Variants in N4BP2 observed in about 807,000 individuals in gnomAD.
N4BP2 encodes NEDD4 binding protein 2, also known as NEDD4-binding protein 2.
A neutral mutation model predicts 152.8 loss-of-function variants in N4BP2; 91 were observed. The ratio of observed to expected loss-of-function variants is 0.60; its 90% CI spans 0.50 to 0.71. The LOEUF (loss-of-function observed/expected upper bound fraction) is 0.71. Ranked by LOEUF, N4BP2 falls within the 30% of genes least tolerant of loss-of-function variation. The pLI is 0.00. For missense variants in N4BP2, 1,923 were observed against 2,059.1 expected (o/e 0.93, Z 1.28); for synonymous variants, 646 against 705.3 (o/e 0.92, Z 1.33).
At chr4:40,062,718 G>C (rs560855938) in intron 1 of N4BP2, among the ~76,000 whole-genome samples, 16 of 152,158 alleles carry the variant, frequency 1.1e-4, no homozygotes, top group African/African-American at 3.9e-4. Flanking sequence ...ATCTGCACTT[G>C]AGTTCAGAAG....
chr4:40,133,429 G>A (rs899720504), intron 13 of N4BP2, among the ~76,000 whole-genome samples: 1 of 151,424 alleles, frequency 6.6e-6, no homozygotes, highest in Admixed American at 6.6e-5. Context: ...TCCGCCTCCC[G>A]GGTTCAAGTG....
At chr4:40,189,248 G>A in the N4BP2 span, among the ~76,000 whole-genome samples, 1 of 152,152 alleles carries the variant, frequency 6.6e-6, no homozygotes, top group African/African-American at 2.4e-5. This position sits in a 1 kb window ranked among gnomAD's most constrained non-coding sequence, Gnocchi z 4.3. Context: ...GTGGTGCTGC[G>A]TCTTGAAAAA....
chr4:40,155,669 C>T lies in N4BP2; in HGVS notation c.*1432C>T, dbSNP rs1439685859. The T allele has an allele frequency of 2.0e-5, 3 of 151,950 alleles. No individual in the cohort carries two copies. Among genetic ancestry groups the T allele is most frequent in the African/African-American group, 7.3e-5 (3 of 41,356 alleles). The allele number at this position is 151,950 out of a possible 1,614,324, so 9.4% of individuals were successfully genotyped here. A position where few individuals can be genotyped will look rare whatever the true frequency, so the allele number is the denominator to read the frequency against. On this transcript the variant is annotated 3_prime_UTR_variant, in exon 18 of 18. Coordinates refer to ENST00000261435, the MANE Select transcript of N4BP2 (RefSeq NM_018177.6). Reference sequence around the variant, plus strand: ...GGAGATGGAGAATATTTTCAACATACATAATTTTAACAAATAGTTTTGTTG... The same window carrying T: ...GGAGATGGAGAATATTTTCAACATATATAATTTTAACAAATAGTTTTGTTG...
At chr4:40,176,044 C>T in the N4BP2 span, among the ~76,000 whole-genome samples, 109 of 145,120 alleles carry the variant, frequency 7.5e-4, 2 homozygotes, top group South Asian at 0.016. Flanking sequence ...GAGTTGAGAT[C>T]GGGCCACTGC....
At chr4:40,142,553 C>A in intron 14 of N4BP2, 120 bp from the exon 15 acceptor site, 1 of 649,666 alleles carries the variant, frequency 1.5e-6, no homozygotes, top group Non-Finnish European at 2.7e-6. Flanking sequence ...AATCTATTTC[C>A]TGAGGAGAGA....
At chr4:40,064,260 A>G (rs1733869855) in intron 1 of N4BP2, among the ~76,000 whole-genome samples, 1 of 152,152 alleles carries the variant, frequency 6.6e-6, no homozygotes, top group Non-Finnish European at 1.5e-5. Flanking sequence ...ATGCTAGCTT[A>G]TAACAAGTAC....
At chr4:40,118,211 G>T (rs1290880765) in intron 8 of N4BP2, among the ~76,000 whole-genome samples, 187 bp downstream of exon 8, 2 of 152,144 alleles carry the variant, frequency 1.3e-5, no homozygotes, top group Non-Finnish European at 2.9e-5. Context: ...CTGAGGTCAG[G>T]AGTTCGAGAC....
intron 8 of N4BP2, among the ~76,000 whole-genome samples, chr4:40,119,212 G>A (rs1048062182): frequency 6.6e-6 from 1 of 152,126 alleles, no homozygotes; most frequent in Non-Finnish European, 1.5e-5. Context: ...GGGACTTAAA[G>A]TAGCATCATC....
intron 16 of N4BP2, among the ~76,000 whole-genome samples, chr4:40,149,424 G>T (rs906996984): frequency 6.6e-6 from 1 of 152,176 alleles, no homozygotes; most frequent in Non-Finnish European, 1.5e-5. Flanking sequence ...GACTGGAATG[G>T]CAAGAATATG....
the N4BP2 span, among the ~76,000 whole-genome samples, chr4:40,187,610 G>T: frequency 6.6e-6 from 1 of 152,206 alleles, no homozygotes; most frequent in African/African-American, 2.4e-5. Flanking sequence ...GTGAGCCACT[G>T]TGCCCAGCCT....
intron 16 of N4BP2, among the ~76,000 whole-genome samples, chr4:40,149,428 G>A (rs1488050960): frequency 6.6e-6 from 1 of 152,222 alleles, no homozygotes; most frequent in Non-Finnish European, 1.5e-5. Context: ...GGAATGGCAA[G>A]AATATGAGCA....
At chr4:40,126,775 G>C (rs989194279) in intron 12 of N4BP2, among the ~76,000 whole-genome samples, 1 of 151,860 alleles carries the variant, frequency 6.6e-6, no homozygotes, top group African/African-American at 2.4e-5. Context: ...TTTTATTTTT[G>C]GAGATGGAGT....
chr4:40,152,515 C>A (rs963654366), intron 16 of N4BP2, among the ~76,000 whole-genome samples: 1 of 152,170 alleles, frequency 6.6e-6, no homozygotes, highest in South Asian at 2.1e-4. Context: ...GCACAGAAAT[C>A]TCTTCCCCCA....
intron 5 of N4BP2, 98 bp downstream of exon 5, chr4:40,107,122 C>CCCTGTCTCAAA: frequency 1.5e-6 from 2 of 1,297,152 alleles, no homozygotes; most frequent in Non-Finnish European, 2.2e-6. Context: ...TTTTTTGAGA[C>CCCTGTCTCAAA]AGGGTCTCGC....
intron 7 of N4BP2, among the ~76,000 whole-genome samples, chr4:40,115,936 A>G (rs1560607972): frequency 6.6e-6 from 1 of 152,146 alleles, no homozygotes; most frequent in Non-Finnish European, 1.5e-5. Flanking sequence ...TTCTCCTTAT[A>G]ATTCTGCCTA....
chr4:40,127,947 C>T (rs990595570), intron 12 of N4BP2, among the ~76,000 whole-genome samples: 7 of 152,224 alleles, frequency 4.6e-5, no homozygotes, highest in Non-Finnish European at 7.4e-5. Flanking sequence ...AGGCGTGAGC[C>T]GCCATTCCTG....
At chr4:40,100,077 C>T (rs1393347021) in intron 3 of N4BP2, 4 of 456,022 alleles carry the variant, frequency 8.8e-6, no homozygotes, top group Non-Finnish European at 1.8e-5. Context: ...TTCTTGTGCA[C>T]AGCACTTTTT....
At chr4:40,104,111 C>A (rs1172810555) in intron 4 of N4BP2, among the ~76,000 whole-genome samples, 1 of 152,076 alleles carries the variant, frequency 6.6e-6, no homozygotes, top group African/African-American at 2.4e-5. Context: ...CACCACCACG[C>A]CCAGCTACTT....
the N4BP2 span, among the ~76,000 whole-genome samples, chr4:40,173,919 C>T: frequency 1.3e-5 from 2 of 151,912 alleles, no homozygotes; most frequent in Non-Finnish European, 2.9e-5. Flanking sequence ...ATAGAAAGTA[C>T]GGATTTGAAG....
Sources: allele counts gnomAD v4.1 joint callset (sites outside exome capture counted in the v4.1 genomes callset), GRCh38; gene constraint gnomAD v4.1.1; non-coding constraint Gnocchi (gnomAD v3.1); transcripts MANE v1.5; gene names NCBI Gene and HGNC (gene_info 2026-07-23, HGNC 2026-07-21).